GMPPB: variants seen among roughly 807,000 people sequenced by gnomAD.
GMPPB encodes the protein GDP-mannose pyrophosphorylase B.
GMPPB carries 38 observed loss-of-function variants against 40.3 expected under a neutral mutation model. The observed-to-expected ratio is 0.94, with a 90% CI of 0.73 to 1.24. GMPPB has a LOEUF of 1.24. Ranked by LOEUF, GMPPB falls within the 50% of genes most tolerant of loss-of-function variation. GMPPB has a pLI of 0.00. For synonymous variants in GMPPB, 193 were observed against 191.8 expected (o/e 1.01, Z -0.05); for missense variants, 436 against 487.1 (o/e 0.90, Z 0.99).
rs376007228 is a variant in GMPPB at position 49,720,855 on chromosome 3, C to A, written c.*897G>T. 185 of 1,614,054 alleles carry A rather than the reference C, an allele frequency of 1.1e-4. 1 individual carries two copies. Among genetic ancestry groups the A allele is most frequent in the Middle Eastern group, 1.6e-4 (1 of 6,084 alleles). On this transcript the variant is annotated 3_prime_UTR_variant, in exon 9 of 9. Coordinates refer to ENST00000308388, the MANE Select transcript of GMPPB (RefSeq NM_021971.4). ...CCCAAGTGGAACAGATGCTGGCGCACCTGACCTCTGCATCTGCCCAGGCAG... is the reference window on the plus strand; with the variant it reads ...CCCAAGTGGAACAGATGCTGGCGCAACTGACCTCTGCATCTGCCCAGGCAG...
At chr3:49,722,385 T>C in intron 6 of GMPPB, 27 bp from the exon 7 acceptor site, 1 of 1,613,366 alleles carries the variant, frequency 6.2e-7, no homozygotes, top group Middle Eastern at 1.6e-4. Flanking sequence ...ATCAGGGGCC[T>C]CAGCCCAGCC....
At chr3:49,722,828 CAA>C (rs1424636120) in intron 4 of GMPPB, 74 bp from the exon 5 acceptor site, 13 of 1,539,834 alleles carry the variant, frequency 8.4e-6, no homozygotes, top group Non-Finnish European at 1.1e-5. Context: ...TTCCAGATCT[CAA>C]GAGACTCTGC....
At chr3:49,722,550 G>C (rs774920371) in intron 5 of GMPPB, 40 bp from the exon 6 acceptor site, 11 of 1,613,194 alleles carry the variant, frequency 6.8e-6, no homozygotes, top group South Asian at 1.1e-5. Flanking sequence ...TCATGGCGGT[G>C]ATGGCCTGCC....
Position 49,721,696 on chromosome 3 carries a change from C to T in GMPPB, c.*56G>A, listed in dbSNP as rs150039459. 1.6e-4 allele frequency: 246 copies of T among 1,503,816 alleles called. No individual in the cohort carries two copies. Among genetic ancestry groups the T allele is most frequent in the Admixed American group, 2.3e-4 (13 of 57,232 alleles). 93.2% of individuals were successfully genotyped at this position (1,503,816 alleles called of 1,614,324 possible). Reference sequence around the variant, plus strand: ...TCCAGGGTCTTCTGATGTGTCAGGCCAGCACTCCCCTTGCTGATGGGAAAA... The same window carrying T: ...TCCAGGGTCTTCTGATGTGTCAGGCTAGCACTCCCCTTGCTGATGGGAAAA... On this transcript the variant is annotated 3_prime_UTR_variant, in exon 9 of 9. Coordinates refer to ENST00000308388, the MANE Select transcript of GMPPB (RefSeq NM_021971.4).
rs757351286 is a variant in GMPPB, at chr3:49,721,389, TCTC to T, written c.*360_*362del. On this transcript the variant is annotated 3_prime_UTR_variant, in exon 9 of 9. Coordinates refer to ENST00000308388, the MANE Select transcript of GMPPB (RefSeq NM_021971.4). ...CCTATTTATGAGCTCCCTTTGCCCT[TCTC>T]CTGTATCCCACACCACCACATCCAA... 1.7e-5 allele frequency: 27 copies of T among 1,560,788 alleles called. No individual in the cohort carries two copies. In the Admixed American group the frequency reaches 4.3e-4, roughly 25 times the overall value.
In GMPPB at chr3:49,721,896, A is replaced by G; in HGVS notation, c.952-13T>C. The G allele has an allele frequency of 6.2e-7, 1 of 1,613,958 alleles. No individual in the cohort carries two copies. Among genetic ancestry groups the G allele is most frequent in the Admixed American group, 1.7e-5 (1 of 60,030 alleles). The stretch of plus-strand genomic sequence containing the variant: ...TCTCCATGCGTACCTCCAGGAGAGG[A>G]TAGGCCTTGTCAGGGAGGCAGGCAC... On this transcript the variant is annotated splice_polypyrimidine_tract_variant and intron_variant, in intron 8 of 8. Transcript: ENST00000308388.
Position 49,723,654 on chromosome 3 carries a change from G to C in GMPPB, c.73C>G (p.Leu25Val). Residue 25 changes from leucine to valine, a missense_variant, in exon 1 of 9, where the codon CTG becomes GTG. Physicochemically the swap from Leu to Val is conservative, Grantham distance 32. Coordinates refer to ENST00000308388, the MANE Select transcript of GMPPB (RefSeq NM_021971.4). The part of the protein sequence containing the change: ...RPLTLSTPKP[L>V]VDFCNKPILL... ...ATGGGCTTATTGCAGAAGTCCACCA[G>C]TGGCTTCGGGGTGCTCAGCGTCAGC... The C allele has an allele frequency of 6.3e-7, 1 of 1,583,118 alleles. No homozygotes were observed. The highest frequency in any genetic ancestry group is 1.2e-5 in the South Asian group (1 of 86,338).
chr3:49,722,815 C>T, intron 4 of GMPPB, 61 bp from the exon 5 acceptor site: 4 of 1,557,558 alleles, frequency 2.6e-6, no homozygotes, highest in Non-Finnish European at 3.5e-6. Flanking sequence ...GATACACATG[C>T]CGTTCCAGAT....
rs1404285186 is a variant in GMPPB at position 49,721,411 on chromosome 3, C to A, written c.*341G>T. 7.0e-7 allele frequency: 1 copy of A among 1,423,200 alleles called. No homozygotes were observed. The highest frequency in any genetic ancestry group is 2.3e-5 in the East Asian group (1 of 44,020). 88.2% of individuals were successfully genotyped at this position (1,423,200 alleles called of 1,614,324 possible). A position where few individuals can be genotyped will look rare whatever the true frequency, so the allele number is the denominator to read the frequency against. On this transcript the variant is annotated 3_prime_UTR_variant, in exon 9 of 9. Transcript: ENST00000308388. ...CCTTCTCCTGTATCCCACACCACCA[C>A]ATCCAACCTCCTTGCCTGCCTGTAT...
Position 49,720,882 on chromosome 3 carries a change from A to G in GMPPB, c.*870T>C. On this transcript the variant is annotated 3_prime_UTR_variant, in exon 9 of 9. Coordinates refer to ENST00000308388, the MANE Select transcript of GMPPB (RefSeq NM_021971.4). ...TGACCTCTGCATCTGCCCAGGCAGC[A>G]GCTGCCTCCCTGGTGAGTGGGAACA... 1 of 1,614,128 alleles carries G rather than the reference A, an allele frequency of 6.2e-7. No individual in the cohort carries two copies. Among genetic ancestry groups the G allele is most frequent in the Non-Finnish European group, 8.5e-7 (1 of 1,179,996 alleles).
rs911778781 is a variant in GMPPB at position 49,720,679 on chromosome 3, G to T, written c.*1073C>A. The T allele has an allele frequency of 1.3e-6, 2 of 1,595,578 alleles. No individual in the cohort carries two copies. Among genetic ancestry groups the T allele is most frequent in the South Asian group, 2.2e-5 (2 of 89,868 alleles). ...GTGAGTGGGCTGGTGGGGCAGGTCA[G>T]GGAAATCTGGGGCTGGGTCGGGTCA... On this transcript the variant is annotated 3_prime_UTR_variant, in exon 9 of 9. Coordinates refer to ENST00000308388, the MANE Select transcript of GMPPB (RefSeq NM_021971.4).
chr3:49,723,254 C>A lies in GMPPB; in HGVS notation c.259G>T (p.Ala87Ser). The A allele has an allele frequency of 6.2e-7, 1 of 1,614,134 alleles. No individual in the cohort carries two copies. Among genetic ancestry groups the A allele is most frequent in the Non-Finnish European group, 8.5e-7 (1 of 1,179,998 alleles). The change falls in exon 3 of 9, where the codon GCT (alanine) becomes TCT (serine). Residue 87 changes from alanine (A) to serine (S), a missense_variant and splice_region_variant. Transcript: ENST00000308388. The part of the protein sequence containing the change: ...MSHEEEPLGT[A>S]GPLALARDLL... ...AAGGGACCTTTCTGCCTCTACTGAC[C>A]TGTCCCCAAAGGCTCCTCTTCATGG...
rs2080375059 is a variant in GMPPB, at chr3:49,720,409, G to T, written c.*1343C>A. On this transcript the variant is annotated 3_prime_UTR_variant, in exon 9 of 9. Coordinates refer to ENST00000308388, the MANE Select transcript of GMPPB (RefSeq NM_021971.4). ...GGGAGACGGAAAGGATGCAGGGGGG[G>T]TGATCATGTACGAGCCATGGCACTC... 8.3e-7 allele frequency: 1 copy of T among 1,200,280 alleles called. No homozygotes were observed. The highest frequency in any genetic ancestry group is 2.0e-5 in the South Asian group (1 of 51,202). 74.4% of individuals were successfully genotyped at this position (1,200,280 alleles called of 1,614,324 possible).
chr3:49,721,942 CCCAG>C lies in GMPPB; in HGVS notation c.951+19_951+22del. ...GGCACACTCCCCGCCCCTCTCCCCA[CCCAG>C]CCCAGCCCACAGGCTTACCCACTGA... On this transcript the variant is annotated intron_variant, in intron 8 of 8. Transcript: ENST00000308388. The C allele has an allele frequency of 6.2e-7, 1 of 1,612,528 alleles. No homozygotes were observed. Among genetic ancestry groups the C allele is most frequent in the Non-Finnish European group, 8.5e-7 (1 of 1,179,020 alleles).
At position 49,723,524 on chromosome 3, in the gene GMPPB, CT is replaced by C. The variant is rs765514162; in HGVS notation, c.130-53del. On this transcript the variant is annotated intron_variant, in intron 1 of 8. Coordinates refer to ENST00000308388, the MANE Select transcript of GMPPB (RefSeq NM_021971.4). ...GCTCAGTCAGAAGGTACGGGAGCCC[CT>C]GACCCCTAGTCGCTGGCCATCCCTA... 10 of 1,611,640 alleles carry C rather than the reference CT, an allele frequency of 6.2e-6. No individual in the cohort carries two copies. The African/African-American group carries it at 9.3e-5, about 15-fold the overall frequency.
rs1220901850 is a variant in GMPPB, at chr3:49,722,458, C to T, written c.614G>A (p.Gly205Glu). The stretch of plus-strand genomic sequence containing the variant: ...CTGTAACTCCATGGCATATAGCTGC[C>T]CCTCCTTGGCCATAATGGGGAAGAC... ...KEVFPIMAKE[G>E]QLYAMELQGF... The change falls in exon 6 of 9, where the codon GGG becomes GAG. Residue 205 changes from glycine (G) to glutamate (E), a missense_variant. By Grantham distance (98) the Gly-to-Glu change is moderately conservative. Transcript: ENST00000308388. 4.3e-6 allele frequency: 7 copies of T among 1,614,146 alleles called. No homozygotes were observed. Among genetic ancestry groups the T allele is most frequent in the African/African-American group, 2.7e-5 (2 of 75,044 alleles).
chr3:49,720,342 G>GT lies in GMPPB; in HGVS notation c.*1409dup. 1.9e-6 allele frequency: 1 copy of GT among 526,932 alleles called. No homozygotes were observed. Among genetic ancestry groups the GT allele is most frequent in the Non-Finnish European group, 3.1e-6 (1 of 325,774 alleles). 32.6% of individuals were successfully genotyped at this position (526,932 alleles called of 1,614,324 possible). A position where few individuals can be genotyped will look rare whatever the true frequency, so the allele number is the denominator to read the frequency against. On this transcript the variant is annotated 3_prime_UTR_variant, in exon 9 of 9. Transcript: ENST00000308388. ...GAAAAAAAAAAAAAAAACAGGCTGT[G>GT]TGGCACCTTACTAGAATACAGGACT... is the stretch of plus-strand genomic sequence containing the variant.
rs2080373298 is a variant in GMPPB, at chr3:49,720,378, G to A, written c.*1374C>T. On this transcript the variant is annotated 3_prime_UTR_variant, in exon 9 of 9. Transcript: ENST00000308388. ...CTAGAATACAGGACTTGGGGTTTGG[G>A]AAGCAGGGAGACGGAAAGGATGCAG... The A allele has an allele frequency of 4.4e-6, 4 of 900,940 alleles. No homozygotes were observed. Among genetic ancestry groups the A allele is most frequent in the African/African-American group, 3.3e-5 (2 of 60,026 alleles). 55.8% of individuals were successfully genotyped at this position (900,940 alleles called of 1,614,324 possible).
Position 49,723,424 on chromosome 3 carries a change from G to T in GMPPB, c.178C>A (p.Leu60Met). Residue 60 changes from leucine to methionine, a missense_variant, in exon 2 of 9, where the codon CTG becomes ATG. Transcript: ENST00000308388. ...TCCTGTGCCTTCATTTCCTTCTCCA[G>T]CACCTGCGACATGTAGCTCACGGCC... ...ILAVSYMSQV[L>M]EKEMKAQEQR... is the part of the protein sequence containing the mutation. The T allele has an allele frequency of 1.2e-6, 2 of 1,614,128 alleles. No homozygotes were observed. Among genetic ancestry groups the T allele is most frequent in the Non-Finnish European group, 8.5e-7 (1 of 1,180,022 alleles).
Sources: gnomAD v4.1 joint callset for allele counts on GRCh38, gnomAD v4.1.1 for gene constraint, MANE v1.5 for transcripts, NCBI Gene and HGNC (gene_info 2026-07-23, HGNC 2026-07-21) for gene names.